The following CELF5 variants were observed in gnomAD, a reference collection of about 807,000 sequenced individuals.
CELF5 encodes the protein CUG-BP and ETR-3 like factor 5.
CELF5 carries 6 observed loss-of-function variants against 54.9 expected under a neutral mutation model. That is an observed-to-expected ratio of 0.11 (90% CI 0.06 to 0.22). The LOEUF is 0.22. Among genes scored for constraint, CELF5 ranks in the 10% least tolerant of loss-of-function variants. CELF5 has a pLI of 1.00. For synonymous variants in CELF5, 271 were observed against 290.9 expected, an observed-to-expected ratio of 0.93 and a Z score of 0.70; for missense variants, 401 against 678.6, an observed-to-expected ratio of 0.59 and a Z score of 4.54.
intron 8 of CELF5, 61 bp from the exon 9 acceptor site, chr19:3,284,841 C>CG (rs2080208414): frequency 1.4e-6 from 2 of 1,430,686 alleles, no homozygotes; most frequent in Admixed American, 3.4e-5. Flanking sequence ...TCTTAAGGAT[C>CG]GGGGGTGGAT....
At chr19:3,250,129 C>G (rs1024720483) in intron 1 of CELF5, among the ~76,000 whole-genome samples, 1 of 152,194 alleles carries the variant, frequency 6.6e-6, no homozygotes, top group Non-Finnish European at 1.5e-5. Flanking sequence ...ATCCTCTTCT[C>G]TTTTTATTTT....
chr19:3,263,272 G>A, intron 2 of CELF5, among the ~76,000 whole-genome samples: 1 of 143,498 alleles, frequency 7.0e-6, no homozygotes, highest in East Asian at 2.1e-4. Flanking sequence ...AAAAAGGGAG[G>A]GGAGACCAGG....
chr19:3,272,225 T>C (rs951656858), intron 2 of CELF5, among the ~76,000 whole-genome samples: 8 of 151,896 alleles, frequency 5.3e-5, no homozygotes, highest in African/African-American at 1.7e-4. Flanking sequence ...AAAAATTAGC[T>C]GGGCGTATTG....
Position 3,244,617 on chromosome 19 carries a change from C to T in CELF5, c.260-6368C>T, listed in dbSNP as rs1196875172. On this transcript the variant is annotated intron_variant, in intron 1 of 12. Coordinates refer to ENST00000292672, the MANE Select transcript of CELF5 (RefSeq NM_021938.4). ...GTGTGGTGCACATGTGTCTTGTCTG[C>T]GTGTGTGTGCGTGTGTGGTGTGTGT... Among the ~76,000 whole-genome samples the T allele has an allele frequency of 5.2e-5, 7 of 135,690 alleles. 1 individual carries two copies. Among genetic ancestry groups the T allele is most frequent in the South Asian group, 4.8e-4 (2 of 4,140 alleles). The allele number at this position is 135,690 out of a possible 152,430, so 89.0% of individuals were successfully genotyped here. A position where few individuals can be genotyped will look rare whatever the true frequency, so the allele number is the denominator to read the frequency against.
chr19:3,260,957 G>A (rs1377814287), intron 2 of CELF5, among the ~76,000 whole-genome samples: 2 of 151,478 alleles, frequency 1.3e-5, no homozygotes, highest in Non-Finnish European at 2.9e-5. Flanking sequence ...TAGAGATAAG[G>A]TCTTGCTACA....
intron 10 of CELF5, among the ~76,000 whole-genome samples, chr19:3,288,967 G>C (rs1226856380): frequency 6.6e-6 from 1 of 152,192 alleles, no homozygotes; most frequent in Non-Finnish European, 1.5e-5. Context: ...TAAGGCTTCA[G>C]ATGAACAAGG....
chr19:3,237,236 T>C (rs1380725097), intron 1 of CELF5, among the ~76,000 whole-genome samples: 5 of 122,446 alleles, frequency 4.1e-5, no homozygotes, highest in East Asian at 2.6e-4. Flanking sequence ...GGCGTGAACC[T>C]GGGAGGTGGA....
intron 1 of CELF5, among the ~76,000 whole-genome samples, chr19:3,243,749 G>T (rs550462508): frequency 2.0e-5 from 3 of 152,258 alleles, no homozygotes; most frequent in Admixed American, 2.0e-4. Context: ...TGGCAGGGCT[G>T]GTTCCTTCTG....
intron 4 of CELF5, 64 bp downstream of exon 4, chr19:3,276,048 G>A: frequency 9.2e-7 from 1 of 1,083,424 alleles, no homozygotes; most frequent in South Asian, 1.5e-5. Context: ...GGCGGGGCCT[G>A]TGGGGAGGGT....
At position 3,290,354 on chromosome 19, in the gene CELF5, C is replaced by T; in HGVS notation, c.1310C>T (p.Thr437Ile). 1 of 1,613,896 alleles carries T rather than the reference C, an allele frequency of 6.2e-7. No individual in the cohort carries two copies. The highest frequency in any genetic ancestry group is 8.5e-7 in the Non-Finnish European group (1 of 1,179,894). Residue 437 changes from threonine to isoleucine, a missense_variant, in exon 11 of 13, where the codon ACC (threonine) becomes ATC (isoleucine). By Grantham distance (89) the Thr-to-Ile change is moderately conservative. This residue lies in a region of CELF5 where 59 missense variants were observed against 128.8 expected (regional missense o/e 0.46). Coordinates refer to ENST00000292672, the MANE Select transcript of CELF5 (RefSeq NM_021938.4). ...ISSKVFMDRA[T>I]NQSKCFGFVS... ...TCCAAGGTGTTTATGGATCGAGCTACCAACCAGAGCAAGTGTTTCGGTGAG... is the reference window on the plus strand; with the variant it reads ...TCCAAGGTGTTTATGGATCGAGCTATCAACCAGAGCAAGTGTTTCGGTGAG...
In CELF5 at chr19:3,278,021, C is replaced by G. The variant is rs201357016; in HGVS notation, c.524-10C>G. 1.2e-5 allele frequency: 19 copies of G among 1,613,214 alleles called. No individual in the cohort carries two copies. The East Asian group carries it at 3.6e-4, about 30-fold the overall frequency. On this transcript the variant is annotated splice_polypyrimidine_tract_variant and intron_variant, in intron 4 of 12. Coordinates refer to ENST00000292672, the MANE Select transcript of CELF5 (RefSeq NM_021938.4). The surrounding 1 kb of genome is among the most constrained non-coding windows in gnomAD (Gnocchi z 4.5). The stretch of plus-strand genomic sequence containing the variant: ...ATCACCCTCTACCTCTTCTTCTTCT[C>G]TTGGAGCAGGCTGTGCTTTCGTGAA...
chr19:3,247,154 T>G (rs1912690028), intron 1 of CELF5, among the ~76,000 whole-genome samples: 1 of 152,120 alleles, frequency 6.6e-6, no homozygotes, highest in Non-Finnish European at 1.5e-5. Context: ...GTTGAGACAG[T>G]CTGACTGTGT....
In CELF5 at chr19:3,281,406, C is replaced by T; in HGVS notation, c.750+61C>T. The stretch of plus-strand genomic sequence containing the variant: ...CCGTCTCTCTCAGTCTCTGTCTACT[C>T]TCTGTCGGGCTCCTGCCTCTCCCTC... On this transcript the variant is annotated intron_variant, in intron 6 of 12. Transcript: ENST00000292672. This position sits in a 1 kb window ranked among gnomAD's most constrained non-coding sequence, Gnocchi z 6.5. The T allele has an allele frequency of 6.5e-7, 1 of 1,532,452 alleles. No homozygotes were observed. Among genetic ancestry groups the T allele is most frequent in the Non-Finnish European group, 8.8e-7 (1 of 1,132,226 alleles). 94.9% of individuals were successfully genotyped at this position (1,532,452 alleles called of 1,614,324 possible).
Position 3,293,339 on chromosome 19 carries a change from C to T in CELF5, c.1351C>T (p.Pro451Ser). The T allele has an allele frequency of 6.2e-7, 1 of 1,614,166 alleles. No homozygotes were observed. Among genetic ancestry groups the T allele is most frequent in the Non-Finnish European group, 8.5e-7 (1 of 1,180,000 alleles). The change falls in exon 12 of 13, where the codon CCG becomes TCG. Residue 451 changes from proline to serine, a missense_variant. Pro to Ser is a moderately conservative substitution (Grantham distance 74). This residue lies in a region of CELF5 where 59 missense variants were observed against 128.8 expected (regional missense o/e 0.46). Coordinates refer to ENST00000292672, the MANE Select transcript of CELF5 (RefSeq NM_021938.4). ...TGCAGGCTTCGTGAGCTTTGATAAC[C>T]CGGCCAGCGCCCAGGCAGCCATCCA... Reference protein sequence around the residue: ...KCFGFVSFDNPASAQAAIQAM... With the variant: ...KCFGFVSFDNSASAQAAIQAM...
chr19:3,237,236 T>A (rs1380725097), intron 1 of CELF5, among the ~76,000 whole-genome samples: 3 of 122,446 alleles, frequency 2.5e-5, no homozygotes, highest in Non-Finnish European at 4.8e-5. Context: ...GGCGTGAACC[T>A]GGGAGGTGGA....
At chr19:3,265,602 A>G (rs369827928) in intron 2 of CELF5, among the ~76,000 whole-genome samples, 17 of 152,268 alleles carry the variant, frequency 1.1e-4, no homozygotes, top group African/African-American at 4.1e-4. Flanking sequence ...TACAAACGCC[A>G]TGGCAATGTC....
chr19:3,285,147 G>C (rs567354744), intron 9 of CELF5, among the ~76,000 whole-genome samples, 183 bp downstream of exon 9: 91 of 148,986 alleles, frequency 6.1e-4, no homozygotes, highest in Non-Finnish European at 1.0e-3. Context: ...CCCTGTTACT[G>C]GTCCCACCCC....
In CELF5 at chr19:3,290,385, G is replaced by GC. The variant is rs2080322666; in HGVS notation, c.1330+13dup. On this transcript the variant is annotated intron_variant, in intron 11 of 12. Coordinates refer to ENST00000292672, the MANE Select transcript of CELF5 (RefSeq NM_021938.4). The stretch of plus-strand genomic sequence containing the variant: ...AGAGCAAGTGTTTCGGTGAGTGGCC[G>GC]CCGACGCCACCCCTCCCCATCCACC... 6.2e-7 allele frequency: 1 copy of GC among 1,611,772 alleles called. No homozygotes were observed. Among genetic ancestry groups the GC allele is most frequent in the Non-Finnish European group, 8.5e-7 (1 of 1,178,488 alleles).
At chr19:3,237,369 C>T (rs1448610396) in intron 1 of CELF5, among the ~76,000 whole-genome samples, 2 of 147,748 alleles carry the variant, frequency 1.4e-5, no homozygotes, top group East Asian at 2.0e-4. Flanking sequence ...CTGCATAGAG[C>T]AGCCGCCTGG....
Sources: gnomAD v4.1 joint callset for allele counts (sites outside exome capture counted in the v4.1 genomes callset) on GRCh38, gnomAD v4.1.1 for gene constraint, gnomAD v4.1.1 regional missense constraint, Gnocchi (gnomAD v3.1) non-coding constraint, MANE v1.5 for transcripts, NCBI Gene and HGNC (gene_info 2026-07-23, HGNC 2026-07-21) for gene names.